Variants in DMD observed in about 807,000 individuals in gnomAD.
DMD encodes mutant dystrophin.
Under a neutral mutation model 330.1 loss-of-function variants are expected in DMD, and 63 were observed. That is an observed-to-expected ratio of 0.19 (90% CI 0.16 to 0.24). DMD has a LOEUF of 0.24. Ranked by LOEUF, DMD falls within the 10% of genes least tolerant of loss-of-function variation. The pLI is 1.00. For missense variants in DMD, 3,344 were observed against 2,684.1 expected, an observed-to-expected ratio of 1.25 and a Z score of -5.43; for synonymous variants, 1,223 against 959.8, an observed-to-expected ratio of 1.27 and a Z score of -5.07.
intron 51 of DMD, among the ~76,000 whole-genome samples, chrX:31,746,144 T>C (rs995751300): frequency 2.7e-5 from 3 of 112,364 alleles, no homozygotes; most frequent in Non-Finnish European, 5.6e-5. Flanking sequence ...GAAGATATTA[T>C]TCATTTAAGT....
intron 22 of DMD, among the ~76,000 whole-genome samples, chrX:32,469,285 T>C (rs887254703): frequency 9.0e-6 from 1 of 110,700 alleles, no homozygotes. Context: ...TTTCTTACAG[T>C]AGGATCATAA....
chrX:32,571,998 G>A (rs1267857996), intron 15 of DMD, among the ~76,000 whole-genome samples: 4 of 111,539 alleles, frequency 3.6e-5, no homozygotes, highest in Non-Finnish European at 7.5e-5. Flanking sequence ...ACTCTCAATG[G>A]CTCCCCATCA....
chrX:33,143,783 T>C (rs906616716), intron 1 of DMD, among the ~76,000 whole-genome samples: 3 of 111,979 alleles, frequency 2.7e-5, no homozygotes, highest in African/African-American at 9.7e-5. Context: ...TATATAGCGT[T>C]AACTCCTCCT....
At chrX:32,346,502 C>T (rs2097764417) in intron 38 of DMD, among the ~76,000 whole-genome samples, 1 of 111,343 alleles carries the variant, frequency 9.0e-6, no homozygotes, top group Admixed American at 9.6e-5. Context: ...GAGATAACAG[C>T]AAATCTGAAA....
intron 1 of DMD, among the ~76,000 whole-genome samples, chrX:33,290,115 A>G (rs900735029): frequency 3.6e-5 from 4 of 111,861 alleles, no homozygotes; most frequent in Admixed American, 9.5e-5. Context: ...ACTTTGTATC[A>G]TTTAAGATTT....
intron 52 of DMD, among the ~76,000 whole-genome samples, chrX:31,686,886 G>A (rs1807792244): frequency 1.8e-5 from 2 of 112,197 alleles, no homozygotes; most frequent in Admixed American, 1.9e-4. Context: ...CAGCAGTGAA[G>A]CTTGCAGCAA....
rs753496232 is a variant in DMD, at chrX:32,634,927, A to G, written c.1331+9205T>C. The stretch of plus-strand genomic sequence containing the variant: ...GCACCAGGACTTGCAAAGGAACTGC[A>G]GTCCTTGTGGCCTAGACTACCTTTG... On this transcript the variant is annotated intron_variant, in intron 11 of 78. Transcript: ENST00000357033. Among the ~76,000 whole-genome samples the G allele has an allele frequency of 5.4e-5, 6 of 111,924 alleles. No homozygotes were observed. The South Asian group carries it at 1.9e-3, about 35-fold the overall frequency.
chrX:32,807,518 A>G (rs2077049652), intron 7 of DMD, among the ~76,000 whole-genome samples: 1 of 111,543 alleles, frequency 9.0e-6, no homozygotes, highest in Non-Finnish European at 1.9e-5. Flanking sequence ...AGTTTGAGAC[A>G]GTAAAATGGT....
chrX:32,508,372 G>A (rs1351980119), intron 18 of DMD, among the ~76,000 whole-genome samples: 1 of 111,497 alleles, frequency 9.0e-6, no homozygotes, highest in Non-Finnish European at 1.9e-5. Flanking sequence ...ACAGTGAAGA[G>A]CCCAGAAAAC....
chrX:32,588,214 G>A (rs808556), intron 13 of DMD, among the ~76,000 whole-genome samples: 1 of 111,366 alleles, frequency 9.0e-6, no homozygotes, highest in African/African-American at 3.3e-5. Flanking sequence ...TCTAATAAAA[G>A]AGTAAAGCAC....
chrX:32,075,644 A>G (rs376016450), intron 44 of DMD, among the ~76,000 whole-genome samples: 2 of 111,642 alleles, frequency 1.8e-5, no homozygotes, highest in South Asian at 7.5e-4. Flanking sequence ...GAGGCCTGGT[A>G]AAGTTTTCAT....
intron 60 of DMD, among the ~76,000 whole-genome samples, chrX:31,413,127 T>C (rs2061717672): frequency 8.9e-6 from 1 of 112,523 alleles, no homozygotes; most frequent in Non-Finnish European, 1.9e-5. Context: ...TAAGTCAATA[T>C]GACTGCAGAT....
chrX:33,125,465 A>G (rs2095457805), intron 1 of DMD, among the ~76,000 whole-genome samples: 1 of 112,067 alleles, frequency 8.9e-6, no homozygotes, highest in South Asian at 3.7e-4. Flanking sequence ...ACTCTCAGTT[A>G]CGAACATCTA....
chrX:32,497,278 A>G (rs1050036259), intron 19 of DMD, among the ~76,000 whole-genome samples: 3 of 112,447 alleles, frequency 2.7e-5, no homozygotes, highest in Admixed American at 9.4e-5. Context: ...AACAGTTAGC[A>G]TACTTATTAT....
rs549476909 is a variant in DMD, at chrX:31,503,402, T to C, written c.8390+3879A>G. On this transcript the variant is annotated intron_variant, in intron 56 of 78. Transcript: ENST00000357033. ...CAGTTAAGTGACTTGATCAAGATTA[T>C]ATGCTAAGACAGTTAGTGACAGAAT... Among the ~76,000 whole-genome samples, 11 of 112,276 alleles carry C rather than the reference T, an allele frequency of 9.8e-5. No individual in the cohort carries two copies. In the South Asian group the frequency reaches 3.7e-3, roughly 38 times the overall value.
At chrX:31,280,500 G>A (rs1010017772) in intron 62 of DMD, among the ~76,000 whole-genome samples, 1 of 111,760 alleles carries the variant, frequency 8.9e-6, no homozygotes, top group African/African-American at 3.3e-5. Context: ...GAGTAAGAAC[G>A]TTCTGTCATT....
intron 4 of DMD, among the ~76,000 whole-genome samples, chrX:32,841,198 C>T (rs781304162): frequency 2.7e-5 from 3 of 110,376 alleles, no homozygotes; most frequent in Non-Finnish European, 3.8e-5. Context: ...CTTTTGTGTT[C>T]CTGTTCAATT....
rs779111278 is a variant in DMD at position 32,844,827 on chromosome X, G to A, written c.220C>T (p.Leu74=). The change falls in exon 4 of 79, where the codon CTG becomes TTG. Residue 74 remains leucine (L), a synonymous_variant. Coordinates refer to ENST00000357033, the MANE Select transcript of DMD (RefSeq NM_004006.3). ...CGCAGTGCCTTGTTGACATTGTTCAGGGCATGAACTCTTGTGGATCCTTTT... is the reference window on the plus strand; with the variant it reads ...CGCAGTGCCTTGTTGACATTGTTCAAGGCATGAACTCTTGTGGATCCTTTT... ...KEKGSTRVHA[L]NNVNKALRVL... The A allele has an allele frequency of 1.7e-6, 2 of 1,211,387 alleles. No homozygotes were observed. The highest frequency in any genetic ancestry group is 3.0e-5 in the East Asian group (1 of 33,837).
chrX:31,810,491 C>A (rs986238905), intron 50 of DMD, among the ~76,000 whole-genome samples: 9 of 112,125 alleles, frequency 8.0e-5, no homozygotes, highest in African/African-American at 2.6e-4. Flanking sequence ...AGTTGAAAAA[C>A]TGTCAAGTAT....
Sources: gnomAD v4.1 joint callset for allele counts (sites outside exome capture counted in the v4.1 genomes callset) on GRCh38, gnomAD v4.1.1 for gene constraint, MANE v1.5 for transcripts, NCBI Gene and HGNC (gene_info 2026-07-23, HGNC 2026-07-21) for gene names.